Variants in PPFIA2 observed in about 807,000 individuals in gnomAD.
PPFIA2 encodes PPFI scaffold protein A2, also known as liprin-alpha-2.
Under a neutral mutation model 175.5 loss-of-function variants are expected in PPFIA2, and 46 were observed. The ratio of observed to expected loss-of-function variants is 0.26; its 90% CI spans 0.21 to 0.34. The LOEUF (loss-of-function observed/expected upper bound fraction) is 0.34, where lower values mean the gene tolerates loss of function less well. PPFIA2 is among the 10% of genes least tolerant of loss of function. The pLI is 1.00. For missense variants in PPFIA2, 1,179 were observed against 1,506.1 expected (o/e 0.78, Z 3.60); for synonymous variants, 568 against 511.4 (o/e 1.11, Z -1.49).
intron 4 of PPFIA2, among the ~76,000 whole-genome samples, chr12:81,625,289 G>C (rs2062569009): frequency 6.6e-6 from 1 of 151,802 alleles, no homozygotes; most frequent in South Asian, 2.1e-4. Flanking sequence ...ACTTTAAATG[G>C]GGTCATGATC....
intron 32 of PPFIA2, 26 bp from the exon 33 acceptor site, chr12:81,259,686 G>A (rs1262743463): frequency 1.3e-6 from 2 of 1,532,282 alleles, no homozygotes. Context: ...GATAGCATTA[G>A]TTCACTGAAA....
At chr12:81,682,890 C>G (rs1404420718) in intron 3 of PPFIA2, among the ~76,000 whole-genome samples, 1 of 152,022 alleles carries the variant, frequency 6.6e-6, no homozygotes, top group Non-Finnish European at 1.5e-5. Context: ...TCAGTCGACA[C>G]AGCTGACTAC....
chr12:81,464,456 A>T (rs2055208682), intron 4 of PPFIA2, among the ~76,000 whole-genome samples: 1 of 152,116 alleles, frequency 6.6e-6, no homozygotes, highest in Non-Finnish European at 1.5e-5. Context: ...CTTGTATCTT[A>T]TCAGTGGTTT....
intron 3 of PPFIA2, among the ~76,000 whole-genome samples, chr12:81,708,383 C>G (rs1365996564): frequency 6.6e-6 from 1 of 151,886 alleles, no homozygotes; most frequent in East Asian, 1.9e-4. Context: ...GACTCATCCA[C>G]CAATTATTGT....
chr12:81,692,662 G>A (rs1296569337), intron 3 of PPFIA2, among the ~76,000 whole-genome samples: 3 of 152,116 alleles, frequency 2.0e-5, no homozygotes, highest in East Asian at 1.9e-4. Context: ...AAAGCAAAGC[G>A]ATGTTAGAAA....
intron 4 of PPFIA2, among the ~76,000 whole-genome samples, chr12:81,662,587 A>T (rs1339347775): frequency 6.6e-6 from 1 of 152,178 alleles, no homozygotes; most frequent in Non-Finnish European, 1.5e-5. Context: ...AAAGTCCAGG[A>T]CCAGATGGAT....
intron 8 of PPFIA2, among the ~76,000 whole-genome samples, chr12:81,396,670 A>G (rs2041191911): frequency 6.6e-6 from 1 of 152,110 alleles, no homozygotes; most frequent in African/African-American, 2.4e-5. Context: ...CACCATATAA[A>G]TATGCATAAT....
At chr12:81,308,276 C>T (rs1020658812) in intron 22 of PPFIA2, among the ~76,000 whole-genome samples, 1 of 152,140 alleles carries the variant, frequency 6.6e-6, no homozygotes, top group Non-Finnish European at 1.5e-5. Flanking sequence ...AAAACAGTAA[C>T]TAATGTGCAT....
intron 20 of PPFIA2, among the ~76,000 whole-genome samples, chr12:81,340,645 T>C (rs1453025322): frequency 1.3e-5 from 2 of 152,118 alleles, no homozygotes; most frequent in Non-Finnish European, 2.9e-5. Flanking sequence ...GCAGCAGCAG[T>C]ACCCACAGGA....
chr12:81,632,527 C>G lies in PPFIA2; in HGVS notation c.303+44264G>C, dbSNP rs943786883. 5.9e-5 allele frequency among the ~76,000 whole-genome samples: 9 copies of G among 152,118 alleles called. No homozygotes were observed. The South Asian group carries it at 8.3e-4, about 14-fold the overall frequency. ...AAAGTAGTTTGCAAAGAGATCAAGTCCATATATACATGTAATAGTTTGAAT... is the reference window on the plus strand; with the variant it reads ...AAAGTAGTTTGCAAAGAGATCAAGTGCATATATACATGTAATAGTTTGAAT... On this transcript the variant is annotated intron_variant, in intron 4 of 32. Coordinates refer to ENST00000549396, the MANE Select transcript of PPFIA2 (RefSeq NM_003625.5).
At chr12:81,695,953 C>T (rs1314765092) in intron 3 of PPFIA2, among the ~76,000 whole-genome samples, 2 of 152,054 alleles carry the variant, frequency 1.3e-5, no homozygotes, top group East Asian at 3.9e-4. Flanking sequence ...GAGAATTTTG[C>T]AATCAGAAAA....
intron 2 of PPFIA2, among the ~76,000 whole-genome samples, chr12:81,756,244 G>C (rs1462271346): frequency 6.6e-6 from 1 of 151,886 alleles, no homozygotes; most frequent in African/African-American, 2.4e-5. Flanking sequence ...ACAACGTTAG[G>C]GTTACCTATA....
chr12:81,701,337 C>T (rs2076450708), intron 3 of PPFIA2, among the ~76,000 whole-genome samples: 1 of 152,114 alleles, frequency 6.6e-6, no homozygotes, highest in Admixed American at 6.6e-5. Context: ...CATATTAGGG[C>T]TGGGGTCAAA....
At chr12:81,473,594 C>T (rs753701260) in intron 4 of PPFIA2, among the ~76,000 whole-genome samples, 1 of 152,208 alleles carries the variant, frequency 6.6e-6, no homozygotes, top group Non-Finnish European at 1.5e-5. Context: ...GAAGCAGCCG[C>T]ATAATATTCC....
intron 3 of PPFIA2, among the ~76,000 whole-genome samples, chr12:81,733,242 T>C (rs1315554459): frequency 2.6e-5 from 4 of 151,570 alleles, no homozygotes; most frequent in Admixed American, 6.6e-5. Context: ...TCCAGAAATA[T>C]AAAGCAACTA....
At chr12:81,545,022 A>G (rs1313014891) in intron 4 of PPFIA2, among the ~76,000 whole-genome samples, 2 of 151,482 alleles carry the variant, frequency 1.3e-5, no homozygotes, top group Non-Finnish European at 3.0e-5. Flanking sequence ...ACTTTTTGGT[A>G]TCTGCTTTCT....
intron 4 of PPFIA2, among the ~76,000 whole-genome samples, chr12:81,658,213 AGCCCAGATC>A (rs2068091607): frequency 6.6e-6 from 1 of 150,824 alleles, no homozygotes; most frequent in Non-Finnish European, 1.5e-5. Context: ...GGTTGTGGTG[AGCCCAGATC>A]GTGCCATTGC....
intron 4 of PPFIA2, among the ~76,000 whole-genome samples, chr12:81,602,985 G>C (rs934953217): frequency 6.6e-6 from 1 of 151,768 alleles, no homozygotes; most frequent in Non-Finnish European, 1.5e-5. Flanking sequence ...TTGACTCAAT[G>C]AATGTGCTGC....
chr12:81,663,877 T>C (rs1459128089), intron 4 of PPFIA2, among the ~76,000 whole-genome samples: 1 of 152,032 alleles, frequency 6.6e-6, no homozygotes, highest in Non-Finnish European at 1.5e-5. Context: ...CCCTCAGAAA[T>C]AATGCCACAC....
Sources: allele counts gnomAD v4.1 joint callset (sites outside exome capture counted in the v4.1 genomes callset), GRCh38; gene constraint gnomAD v4.1.1; transcripts MANE v1.5; gene names NCBI Gene and HGNC (gene_info 2026-07-23, HGNC 2026-07-21).